The following KCNJ3 variants were observed in gnomAD, a reference collection of about 807,000 sequenced individuals.
The protein encoded by KCNJ3 is G protein-activated inward rectifier potassium channel 1.
A neutral mutation model predicts 39.2 loss-of-function variants in KCNJ3; 4 were observed. That is an observed-to-expected ratio of 0.10 (90% CI 0.05 to 0.23). KCNJ3 has a LOEUF of 0.23. Ranked by LOEUF, KCNJ3 falls within the 10% of genes least tolerant of loss-of-function variation. The pLI, the probability that KCNJ3 is intolerant of heterozygous loss-of-function variation, is 1.00. For synonymous variants in KCNJ3, 230 were observed against 237.4 expected (o/e 0.97, Z 0.29); for missense variants, 276 against 634.9 (o/e 0.43, Z 6.08).
At chr2:154,831,461 G>GAAC (rs1187866796) in intron 2 of KCNJ3, among the ~76,000 whole-genome samples, 2 of 152,132 alleles carry the variant, frequency 1.3e-5, no homozygotes, top group Non-Finnish European at 2.9e-5. Flanking sequence ...CGATTATGAG[G>GAAC]AACAGTTTTA....
chr2:154,796,025 G>A (rs997528874), intron 2 of KCNJ3, among the ~76,000 whole-genome samples: 39 of 152,070 alleles, frequency 2.6e-4, no homozygotes. Context: ...CCCCCTACTA[G>A]ATTGCAAATT....
At chr2:154,817,762 A>G (rs1480292334) in intron 2 of KCNJ3, among the ~76,000 whole-genome samples, 1 of 152,172 alleles carries the variant, frequency 6.6e-6, no homozygotes, top group Non-Finnish European at 1.5e-5. Flanking sequence ...GTGCTTCCTA[A>G]TAACTAAACC....
rs553678385 is a variant in KCNJ3, at chr2:154,710,923, A to G, written c.919+1104A>G. Among the ~76,000 whole-genome samples, 258 of 152,214 alleles carry G rather than the reference A, an allele frequency of 1.7e-3. 1 individual carries two copies. The highest frequency in any genetic ancestry group is 3.4e-3 in the Middle Eastern group (1 of 294). ...GTCTGTCACATAACACCTATCTGAA[A>G]TTTACGCAAGATATCTACTCTCTTA... On this transcript the variant is annotated intron_variant, in intron 2 of 2. Transcript: ENST00000295101.
At chr2:154,817,749 G>C (rs1043298368) in intron 2 of KCNJ3, among the ~76,000 whole-genome samples, 2 of 152,042 alleles carry the variant, frequency 1.3e-5, no homozygotes, top group Non-Finnish European at 2.9e-5. Flanking sequence ...TCATTGTTAG[G>C]AAGTGCTTCC....
At chr2:154,756,191 A>G (rs145377363) in intron 2 of KCNJ3, among the ~76,000 whole-genome samples, 10 of 152,282 alleles carry the variant, frequency 6.6e-5, no homozygotes, top group Middle Eastern at 3.4e-3. Context: ...ACTTGATACC[A>G]GTATCAACTA....
At chr2:154,712,986 T>C (rs191241974) in intron 2 of KCNJ3, among the ~76,000 whole-genome samples, 1 of 151,618 alleles carries the variant, frequency 6.6e-6, no homozygotes, top group Non-Finnish European at 1.5e-5. Context: ...GAGCTGGGAA[T>C]GAGCTTGATT....
chr2:154,787,369 C>T (rs770309536), intron 2 of KCNJ3, among the ~76,000 whole-genome samples: 7 of 151,606 alleles, frequency 4.6e-5, no homozygotes, highest in Non-Finnish European at 7.4e-5. Context: ...TCGAACAAAA[C>T]CTTTAGTAGA....
At chr2:154,748,611 A>G (rs1352898146) in intron 2 of KCNJ3, among the ~76,000 whole-genome samples, 24 of 152,026 alleles carry the variant, frequency 1.6e-4, no homozygotes, top group Admixed American at 1.6e-3. Context: ...TAAAATAAAT[A>G]TGAGTGAACT....
At chr2:154,726,317 C>T (rs1006932378) in intron 2 of KCNJ3, among the ~76,000 whole-genome samples, 3 of 152,038 alleles carry the variant, frequency 2.0e-5, no homozygotes, top group Non-Finnish European at 4.4e-5. Context: ...ATAGGCAATT[C>T]TCAAAAGAAG....
At chr2:154,771,261 G>C (rs1171335206) in intron 2 of KCNJ3, among the ~76,000 whole-genome samples, 1 of 152,112 alleles carries the variant, frequency 6.6e-6, no homozygotes, top group East Asian at 1.9e-4. Flanking sequence ...AAAAGCTATT[G>C]ATTCTGTCCC....
At chr2:154,717,348 A>G (rs1288376883) in intron 2 of KCNJ3, among the ~76,000 whole-genome samples, 2 of 152,318 alleles carry the variant, frequency 1.3e-5, no homozygotes, top group East Asian at 1.9e-4. Flanking sequence ...ATTTTAAGTA[A>G]GAGAACACCA....
chr2:154,755,925 T>G (rs911370447), intron 2 of KCNJ3, among the ~76,000 whole-genome samples: 4 of 152,130 alleles, frequency 2.6e-5, no homozygotes, highest in Admixed American at 6.6e-5. Context: ...TTAATAGAGA[T>G]AAAACTGTCT....
intron 2 of KCNJ3, among the ~76,000 whole-genome samples, chr2:154,718,821 G>T (rs1029826500): frequency 6.6e-6 from 1 of 152,118 alleles, no homozygotes; most frequent in East Asian, 1.9e-4. Flanking sequence ...GCTGGTATGG[G>T]TGAATTACCA....
At chr2:154,720,550 C>T (rs1466884266) in intron 2 of KCNJ3, among the ~76,000 whole-genome samples, 1 of 151,988 alleles carries the variant, frequency 6.6e-6, no homozygotes, top group African/African-American at 2.4e-5. Context: ...GATTCCTTGT[C>T]ATTTAAGTTG....
chr2:154,721,321 G>C (rs1359574388), intron 2 of KCNJ3, among the ~76,000 whole-genome samples: 4 of 152,038 alleles, frequency 2.6e-5, no homozygotes, highest in African/African-American at 9.7e-5. Context: ...TGATCTATTG[G>C]TTTTAATTGA....
At chr2:154,829,911 G>C (rs554993336) in intron 2 of KCNJ3, among the ~76,000 whole-genome samples, 1 of 152,010 alleles carries the variant, frequency 6.6e-6, no homozygotes, top group African/African-American at 2.4e-5. Flanking sequence ...TTATATGCTT[G>C]TTGGTGACAG....
At chr2:154,711,649 G>A (rs1685104736) in intron 2 of KCNJ3, among the ~76,000 whole-genome samples, 1 of 151,980 alleles carries the variant, frequency 6.6e-6, no homozygotes, top group African/African-American at 2.4e-5. Flanking sequence ...ATTAGGCCGG[G>A]TATTTTGTAG....
intron 2 of KCNJ3, among the ~76,000 whole-genome samples, chr2:154,834,762 A>G (rs2105123012): frequency 6.8e-6 from 1 of 146,736 alleles, no homozygotes; most frequent in African/African-American, 2.5e-5. Flanking sequence ...AAATAGAATA[A>G]GTCATTTAAG....
chr2:154,831,538 A>AGAT (rs1392299399), intron 2 of KCNJ3, among the ~76,000 whole-genome samples: 4 of 152,160 alleles, frequency 2.6e-5, no homozygotes, highest in African/African-American at 9.6e-5. Flanking sequence ...GGGGTGGGGG[A>AGAT]GATGATACCA....
Sources: allele counts gnomAD v4.1 joint callset (sites outside exome capture counted in the v4.1 genomes callset), GRCh38; gene constraint gnomAD v4.1.1; transcripts MANE v1.5; gene names NCBI Gene and HGNC (gene_info 2026-07-23, HGNC 2026-07-21).